TSPEAR: variants seen among roughly 807,000 people sequenced by gnomAD.
The protein encoded by TSPEAR is thrombospondin-type laminin G domain and EAR repeat-containing protein.
Under a neutral mutation model 71.6 loss-of-function variants are expected in TSPEAR, and 69 were observed. The observed-to-expected ratio is 0.96, with a 90% CI of 0.79 to 1.18. The LOEUF is 1.18. Among genes scored for constraint, TSPEAR ranks in the 50% most tolerant of loss-of-function variants. The pLI is 0.00. For missense variants in TSPEAR, 971 were observed against 894.9 expected (o/e 1.09, Z -1.09); for synonymous variants, 402 against 387.2 (o/e 1.04, Z -0.45).
intron 1 of TSPEAR, among the ~76,000 whole-genome samples, chr21:44,607,385 C>T (rs1168765944): frequency 1.3e-5 from 2 of 152,176 alleles, no homozygotes; most frequent in Non-Finnish European, 2.9e-5. Context: ...ACAATGCATG[C>T]ACAGGTCAAA....
intron 1 of TSPEAR, among the ~76,000 whole-genome samples, chr21:44,616,039 GAGA>G (rs1982071445): frequency 6.6e-6 from 1 of 152,210 alleles, no homozygotes; most frequent in South Asian, 2.1e-4. Context: ...AGGCCACACA[GAGA>G]AGACCACCCC....
intron 1 of TSPEAR, among the ~76,000 whole-genome samples, chr21:44,606,650 A>G (rs1555929897): frequency 6.6e-6 from 1 of 152,234 alleles, no homozygotes; most frequent in Non-Finnish European, 1.5e-5. Context: ...ATGGATAAAG[A>G]AAGTGTGGCA....
At chr21:44,585,687 C>T (rs1286687166) in intron 1 of TSPEAR, among the ~76,000 whole-genome samples, 2 of 152,140 alleles carry the variant, frequency 1.3e-5, no homozygotes, top group Non-Finnish European at 2.9e-5. Flanking sequence ...TGGAGTGTCA[C>T]GATTTCAGTC....
At position 44,658,207 on chromosome 21, in the gene TSPEAR, C is replaced by A. The variant is rs368106016; in HGVS notation, c.82+53226G>T. ...CCTCTTGCCAATCTTCGGGGTGCTG[C>A]CAGCCCCCCTGCACCACTGCCCTCT... On this transcript the variant is annotated intron_variant, in intron 1 of 11. Transcript: ENST00000323084. The A allele has an allele frequency of 1.9e-6, 3 of 1,613,636 alleles. No individual in the cohort carries two copies. The African/African-American group carries it at 4.0e-5, about 22-fold the overall frequency.
At chr21:44,569,443 G>T (rs2053758158) in intron 1 of TSPEAR, among the ~76,000 whole-genome samples, 1 of 152,102 alleles carries the variant, frequency 6.6e-6, no homozygotes, top group South Asian at 2.1e-4. Flanking sequence ...CGCTGCCTGG[G>T]CCTGGCCCAG....
At chr21:44,667,812 A>T (rs1985866822) in intron 1 of TSPEAR, among the ~76,000 whole-genome samples, 1 of 152,216 alleles carries the variant, frequency 6.6e-6, no homozygotes, top group Non-Finnish European at 1.5e-5. Flanking sequence ...TGAAGGAAAA[A>T]ACCACGTGAT....
chr21:44,648,465 G>A (rs73909213), intron 1 of TSPEAR, among the ~76,000 whole-genome samples: 5,648 of 152,260 alleles, frequency 0.037, 228 homozygotes, highest in African/African-American at 0.11. Context: ...ACCCGTGTCC[G>A]TTACTTGCTT....
At chr21:44,629,355 G>A (rs2146207104) in intron 1 of TSPEAR, among the ~76,000 whole-genome samples, 1 of 152,320 alleles carries the variant, frequency 6.6e-6, no homozygotes, top group Admixed American at 6.5e-5. Context: ...AGGCCCAGGT[G>A]TGGCAGGGCT....
chr21:44,684,051 T>A (rs1601563437), intron 1 of TSPEAR, among the ~76,000 whole-genome samples: 1 of 152,202 alleles, frequency 6.6e-6, no homozygotes, highest in South Asian at 2.1e-4. Context: ...CATCATGAAG[T>A]GATGAAAACC....
At chr21:44,616,897 G>C (rs73907070) in intron 1 of TSPEAR, among the ~76,000 whole-genome samples, 3,789 of 152,304 alleles carry the variant, frequency 0.025, 158 homozygotes, top group African/African-American at 0.086. Flanking sequence ...ACAACCCAGC[G>C]AATTCAACAC....
At chr21:44,596,459 T>C (rs997072550) in intron 1 of TSPEAR, among the ~76,000 whole-genome samples, 7 of 152,282 alleles carry the variant, frequency 4.6e-5, no homozygotes, top group Non-Finnish European at 7.3e-5. Context: ...TCCCGCTGTC[T>C]GGACAATGTC....
At chr21:44,618,436 C>CACAA (rs1187836666) in intron 1 of TSPEAR, among the ~76,000 whole-genome samples, 2 of 152,196 alleles carry the variant, frequency 1.3e-5, no homozygotes, top group Admixed American at 1.3e-4. Flanking sequence ...AGGACTAATA[C>CACAA]ACAAACAAAC....
chr21:44,509,426 C>T (rs781823695), intron 9 of TSPEAR, 40 bp from the exon 10 acceptor site: 39 of 1,299,306 alleles, frequency 3.0e-5, no homozygotes, highest in Middle Eastern at 4.5e-4. Context: ...TGTGGGGGAG[C>T]GGGCGCAGAG....
chr21:44,539,990 G>T, intron 2 of TSPEAR: 1 of 1,613,250 alleles, frequency 6.2e-7, no homozygotes, highest in Non-Finnish European at 8.5e-7. Context: ...GCAGGGGCTG[G>T]ACACACGGCT....
At chr21:44,611,823 A>C (rs1981694052) in intron 1 of TSPEAR, among the ~76,000 whole-genome samples, 1 of 152,152 alleles carries the variant, frequency 6.6e-6, no homozygotes, top group Non-Finnish European at 1.5e-5. Context: ...ACCAGCAGAC[A>C]CGCAGCATCA....
intron 1 of TSPEAR, among the ~76,000 whole-genome samples, chr21:44,596,686 C>G (rs1980388255): frequency 6.6e-6 from 1 of 152,190 alleles, no homozygotes; most frequent in African/African-American, 2.4e-5. Context: ...CAATGGTTTT[C>G]ATTTTTTCCA....
chr21:44,571,302 G>A (rs2053792542), intron 1 of TSPEAR, among the ~76,000 whole-genome samples: 1 of 152,202 alleles, frequency 6.6e-6, no homozygotes, highest in South Asian at 2.1e-4. Context: ...CTCCTGCCTT[G>A]GCCTCCCAAA....
chr21:44,592,726 C>A (rs1355527288), intron 1 of TSPEAR, among the ~76,000 whole-genome samples: 1 of 152,140 alleles, frequency 6.6e-6, no homozygotes, highest in African/African-American at 2.4e-5. Flanking sequence ...AGGAATTGGG[C>A]GGGGCCTGGT....
chr21:44,585,953 G>A (rs1979309498), intron 1 of TSPEAR, among the ~76,000 whole-genome samples: 1 of 152,228 alleles, frequency 6.6e-6, no homozygotes, highest in Non-Finnish European at 1.5e-5. Flanking sequence ...TTCTCACAGA[G>A]CTGACACTGG....
Sources: allele counts gnomAD v4.1 joint callset (sites outside exome capture counted in the v4.1 genomes callset), GRCh38; gene constraint gnomAD v4.1.1; transcripts MANE v1.5; gene names NCBI Gene and HGNC (gene_info 2026-07-23, HGNC 2026-07-21).